RAB8B: variants seen among roughly 807,000 people sequenced by gnomAD.
RAB8B encodes the protein RAB8B, member RAS oncogene family, also known as ras-related protein Rab-8B.
RAB8B carries 11 observed loss-of-function variants against 32.0 expected under a neutral mutation model. The ratio of observed to expected loss-of-function variants is 0.34; its 90% CI spans 0.22 to 0.57. The LOEUF (loss-of-function observed/expected upper bound fraction) is 0.57, where lower values mean the gene tolerates loss of function less well. RAB8B is among the 20% of genes least tolerant of loss of function. The pLI is 0.86. For missense variants in RAB8B, 190 were observed against 258.5 expected (o/e 0.73, Z 1.82); for synonymous variants, 103 against 89.6 (o/e 1.15, Z -0.85).
chr15:63,192,475 T>C (rs966253977), intron 1 of RAB8B, among the ~76,000 whole-genome samples: 1 of 152,212 alleles, frequency 6.6e-6, no homozygotes, highest in African/African-American at 2.4e-5. Context: ...TGTGCTTTTC[T>C]GACTGGGTTT....
At chr15:63,226,137 G>A (rs2037887371) in intron 1 of RAB8B, among the ~76,000 whole-genome samples, 1 of 152,154 alleles carries the variant, frequency 6.6e-6, no homozygotes, top group Non-Finnish European at 1.5e-5. Flanking sequence ...ACTGTGCCCA[G>A]CCACTAATTC....
intron 6 of RAB8B, 61 bp from the exon 7 acceptor site, chr15:63,262,630 TA>T (rs2038212419): frequency 6.1e-6 from 3 of 493,498 alleles, no homozygotes; most frequent in Non-Finnish European, 6.1e-6. Flanking sequence ...TATGTGTATA[TA>T]TATATATATA....
At chr15:63,216,533 T>C (rs1365916250) in intron 1 of RAB8B, among the ~76,000 whole-genome samples, 1 of 148,062 alleles carries the variant, frequency 6.8e-6, no homozygotes, top group Non-Finnish European at 1.5e-5. Context: ...CTGGCCTCAA[T>C]CCAACTTTTA....
chr15:63,247,878 T>C, intron 2 of RAB8B, among the ~76,000 whole-genome samples: 1 of 152,194 alleles, frequency 6.6e-6, no homozygotes, highest in East Asian at 1.9e-4. Flanking sequence ...AACATAGTGA[T>C]TGGCTTCCTA....
chr15:63,192,393 A>T (rs1322916115), intron 1 of RAB8B, among the ~76,000 whole-genome samples: 1 of 152,184 alleles, frequency 6.6e-6, no homozygotes, highest in Non-Finnish European at 1.5e-5. Flanking sequence ...CCTCATTCCC[A>T]GGTGATCTGA....
At chr15:63,228,591 A>G (rs901811479) in intron 1 of RAB8B, among the ~76,000 whole-genome samples, 1 of 152,236 alleles carries the variant, frequency 6.6e-6, no homozygotes, top group Non-Finnish European at 1.5e-5. Context: ...AGGTGACAAG[A>G]AATAAACTGG....
rs183110642 is a variant in RAB8B at position 63,235,666 on chromosome 15, A to T, written c.125-9090A>T. On this transcript the variant is annotated intron_variant, in intron 1 of 7. Transcript: ENST00000321437. ...GTAATTATACATGGATATATATATA[A>T]AAATATACTATATATATTTTATATA... is the stretch of plus-strand genomic sequence containing the variant. Among the ~76,000 whole-genome samples, 234 of 149,836 alleles carry T rather than the reference A, an allele frequency of 1.6e-3. 2 individuals carry two copies. In the East Asian group the frequency reaches 0.026, roughly 17 times the overall value.
intron 1 of RAB8B, among the ~76,000 whole-genome samples, chr15:63,243,734 C>T (rs2038050168): frequency 6.6e-6 from 1 of 151,680 alleles, no homozygotes; most frequent in African/African-American, 2.4e-5. Flanking sequence ...TTTTTTTCAA[C>T]ATTTCTCAGT....
chr15:63,197,717 G>A (rs1183770469), intron 1 of RAB8B, among the ~76,000 whole-genome samples: 1 of 152,114 alleles, frequency 6.6e-6, no homozygotes, highest in Non-Finnish European at 1.5e-5. Flanking sequence ...GGCATAGTAT[G>A]TTGAGGAATA....
intron 4 of RAB8B, among the ~76,000 whole-genome samples, 165 bp downstream of exon 4, chr15:63,255,749 C>T (rs2038154146): frequency 6.6e-6 from 1 of 152,222 alleles, no homozygotes; most frequent in South Asian, 2.1e-4. Context: ...GCCAGTCTGA[C>T]TACTGGGGGT....
rs1206509877 is a variant in RAB8B, at chr15:63,232,994, G to A, written c.125-11762G>A. On this transcript the variant is annotated intron_variant, in intron 1 of 7. Transcript: ENST00000321437. The stretch of plus-strand genomic sequence containing the variant: ...TGGTGAAAATAGCTTTATAACTTAT[G>A]CGACGTATATTTATGAAAGAACAAT... Among the ~76,000 whole-genome samples, 5 of 150,942 alleles carry A rather than the reference G, an allele frequency of 3.3e-5. No homozygotes were observed. In the East Asian group the frequency reaches 9.7e-4, roughly 29 times the overall value.
At chr15:63,206,629 C>T (rs990249111) in intron 1 of RAB8B, among the ~76,000 whole-genome samples, 11 of 152,128 alleles carry the variant, frequency 7.2e-5, no homozygotes, top group Admixed American at 6.5e-4. Flanking sequence ...CATTCCCCTC[C>T]TCTCCTCCGT....
At chr15:63,223,043 G>C (rs1359309465) in intron 1 of RAB8B, 1 of 456,044 alleles carries the variant, frequency 2.2e-6, no homozygotes, top group Admixed American at 2.3e-5. Context: ...TTCCTTCAGA[G>C]CAACTTCCAG....
intron 1 of RAB8B, among the ~76,000 whole-genome samples, chr15:63,199,510 A>G (rs1414772076): frequency 6.6e-6 from 1 of 152,230 alleles, no homozygotes; most frequent in Non-Finnish European, 1.5e-5. Flanking sequence ...AGAAGGATGA[A>G]AAATTTGTGG....
chr15:63,212,456 TA>T (rs2037755480), intron 1 of RAB8B, among the ~76,000 whole-genome samples: 1 of 152,148 alleles, frequency 6.6e-6, no homozygotes, highest in African/African-American at 2.4e-5. Flanking sequence ...CACTTTCAAT[TA>T]GGGGAGGGGA....
chr15:63,238,380 C>T (rs1211084597), intron 1 of RAB8B, among the ~76,000 whole-genome samples: 1 of 152,114 alleles, frequency 6.6e-6, no homozygotes, highest in African/African-American at 2.4e-5. Flanking sequence ...GGAGGACTCT[C>T]CTAGCAGCTG....
At chr15:63,222,872 C>A (rs1001256471) in intron 1 of RAB8B, among the ~76,000 whole-genome samples, 10 of 152,070 alleles carry the variant, frequency 6.6e-5, no homozygotes, top group African/African-American at 2.4e-4. Context: ...TAAAACATTT[C>A]TGTTGCCTAG....
intron 1 of RAB8B, among the ~76,000 whole-genome samples, chr15:63,221,386 G>A (rs1040941500): frequency 2.6e-5 from 4 of 152,132 alleles, no homozygotes; most frequent in Non-Finnish European, 5.9e-5. Context: ...GTATTATGAT[G>A]GAAGCTAGTA....
intron 1 of RAB8B, among the ~76,000 whole-genome samples, chr15:63,205,033 C>T (rs1288672635): frequency 6.6e-6 from 1 of 152,096 alleles, no homozygotes; most frequent in Non-Finnish European, 1.5e-5. Flanking sequence ...TATGGTGGCT[C>T]ATGCCTGTAT....
Sources: allele counts gnomAD v4.1 joint callset (sites outside exome capture counted in the v4.1 genomes callset), GRCh38; gene constraint gnomAD v4.1.1; transcripts MANE v1.5; gene names NCBI Gene and HGNC (gene_info 2026-07-23, HGNC 2026-07-21).